The following NFIB variants were observed in gnomAD, a reference collection of about 807,000 sequenced individuals.
NFIB encodes nuclear factor I B.
A neutral mutation model predicts 61.5 loss-of-function variants in NFIB; 11 were observed. The ratio of observed to expected loss-of-function variants is 0.18; its 90% CI spans 0.11 to 0.30. The LOEUF is 0.30. Ranked by LOEUF, NFIB falls within the 10% of genes least tolerant of loss-of-function variation. The pLI is 1.00. For missense variants in NFIB, 471 were observed against 608.9 expected, an observed-to-expected ratio of 0.77 and a Z score of 2.38; for synonymous variants, 260 against 216.5, an observed-to-expected ratio of 1.20 and a Z score of -1.76.
chr9:14,255,995 T>G (rs1424595503), intron 2 of NFIB, among the ~76,000 whole-genome samples: 2 of 152,234 alleles, frequency 1.3e-5, no homozygotes, highest in Non-Finnish European at 2.9e-5. Context: ...ACCTATTAGC[T>G]GTGTGATCTT....
At chr9:14,133,739 A>G (rs1406612340) in intron 6 of NFIB, among the ~76,000 whole-genome samples, 1 of 152,230 alleles carries the variant, frequency 6.6e-6, no homozygotes, top group Non-Finnish European at 1.5e-5. Flanking sequence ...GTAGAATAAG[A>G]CAACTATTAA....
chr9:14,385,425 C>T (rs1471131595), intron 1 of NFIB, among the ~76,000 whole-genome samples: 1 of 152,148 alleles, frequency 6.6e-6, no homozygotes, highest in Non-Finnish European at 1.5e-5. Context: ...GTTGGGAGGC[C>T]TTTGCAAAAC....
At chr9:14,348,587 C>A (rs1024337589) in intron 1 of NFIB, among the ~76,000 whole-genome samples, 6 of 152,212 alleles carry the variant, frequency 3.9e-5, no homozygotes, top group Admixed American at 1.3e-4. Context: ...TAAGCCAGGC[C>A]AGCGCCCGGG....
At chr9:14,147,891 T>G (rs2042442401) in intron 5 of NFIB, among the ~76,000 whole-genome samples, 1 of 151,828 alleles carries the variant, frequency 6.6e-6, no homozygotes, top group Non-Finnish European at 1.5e-5. Flanking sequence ...ATCCTCCCAC[T>G]TCAGCCTCCC....
chr9:14,465,113 T>C, the NFIB span, among the ~76,000 whole-genome samples: 1 of 152,216 alleles, frequency 6.6e-6, no homozygotes, highest in Admixed American at 6.5e-5. Context: ...GGCTTCACTG[T>C]AGAGACCTTT....
Position 14,219,381 on chromosome 9 carries a change from T to TAAAAAAAAAAAAAAAAAA in NFIB, c.563-39619_563-39602dup, listed in dbSNP as rs751279935. On this transcript the variant is annotated intron_variant, in intron 2 of 10. Coordinates refer to ENST00000380953, the MANE Select transcript of NFIB (RefSeq NM_001190737.2). The stretch of plus-strand genomic sequence containing the variant: ...ATAGAGTCATCTTGTAGCACTAGGG[T>TAAAAAAAAAAAAAAAAAA]AAAAAAAAAAAAAAAAAAAAAAAGT... Among the ~76,000 whole-genome samples, 4 of 73,504 alleles carry TAAAAAAAAAAAAAAAAAA rather than the reference T, an allele frequency of 5.4e-5. 2 individuals are homozygous for TAAAAAAAAAAAAAAAAAA. The highest frequency in any genetic ancestry group is 1.1e-4 in the African/African-American group (2 of 17,990). The allele number at this position is 73,504 out of a possible 152,430, so 48.2% of individuals were successfully genotyped here.
intron 2 of NFIB, among the ~76,000 whole-genome samples, chr9:14,255,198 G>A (rs1049517415): frequency 7.2e-5 from 11 of 151,968 alleles, no homozygotes; most frequent in African/African-American, 2.7e-4. Flanking sequence ...ACTCCAACAA[G>A]GATGACAAAG....
chr9:14,291,725 C>T (rs1041879624), intron 2 of NFIB, among the ~76,000 whole-genome samples: 133 of 151,782 alleles, frequency 8.8e-4, no homozygotes, highest in African/African-American at 3.1e-3. Context: ...CGGAAAATTA[C>T]AAACACCCAA....
At chr9:14,252,420 T>G (rs35281474) in intron 2 of NFIB, among the ~76,000 whole-genome samples, 5,932 of 152,316 alleles carry the variant, frequency 0.039, 156 homozygotes, top group Non-Finnish European at 0.061. Flanking sequence ...ATCATTATAT[T>G]TATAGTTTTT....
At chr9:14,163,011 C>T (rs2044372829) in intron 3 of NFIB, among the ~76,000 whole-genome samples, 1 of 152,012 alleles carries the variant, frequency 6.6e-6, no homozygotes, top group Non-Finnish European at 1.5e-5. Flanking sequence ...TCACCATTTA[C>T]TATGTAAACC....
chr9:14,336,113 T>G (rs1448075699), intron 1 of NFIB, among the ~76,000 whole-genome samples: 1 of 152,254 alleles, frequency 6.6e-6, no homozygotes. Flanking sequence ...GTGTTAGTTC[T>G]CCAGATTTGT....
chr9:14,114,577 C>A (rs919907360), intron 9 of NFIB, among the ~76,000 whole-genome samples: 2 of 152,208 alleles, frequency 1.3e-5, no homozygotes, highest in African/African-American at 4.8e-5. Context: ...CATCTTTATA[C>A]AACCAAGATA....
intron 3 of NFIB, among the ~76,000 whole-genome samples, chr9:14,173,111 C>G (rs1010347799): frequency 6.6e-6 from 1 of 152,200 alleles, no homozygotes; most frequent in African/African-American, 2.4e-5. Flanking sequence ...CTTGATCAAA[C>G]TAGCTGAAGA....
At chr9:14,465,572 T>TACACACACACACACACACACAC in the NFIB span, among the ~76,000 whole-genome samples, 2 of 146,200 alleles carry the variant, frequency 1.4e-5, no homozygotes, top group African/African-American at 5.1e-5. Context: ...AATGACTTGT[T>TACACACACACACACACACACAC]ACACACACAC....
intron 2 of NFIB, among the ~76,000 whole-genome samples, chr9:14,269,611 T>C (rs1475024096): frequency 1.3e-5 from 2 of 152,220 alleles, no homozygotes; most frequent in Non-Finnish European, 2.9e-5. Context: ...CATATATGTC[T>C]GAACCTAATG....
chr9:14,208,464 T>C (rs981959732), intron 2 of NFIB, among the ~76,000 whole-genome samples: 1 of 152,178 alleles, frequency 6.6e-6, no homozygotes, highest in African/African-American at 2.4e-5. Context: ...GAGTATGAAT[T>C]ACGACTAAAT....
At chr9:14,432,321 G>T in the NFIB span, among the ~76,000 whole-genome samples, 2 of 152,298 alleles carry the variant, frequency 1.3e-5, no homozygotes, top group Non-Finnish European at 2.9e-5. Flanking sequence ...AGAAATATGG[G>T]GTGAGATGGA....
chr9:14,474,449 C>A, the NFIB span, among the ~76,000 whole-genome samples: 2 of 152,152 alleles, frequency 1.3e-5, no homozygotes, highest in African/African-American at 4.8e-5. Context: ...TTTTAACATA[C>A]GAATTTTGGA....
intron 9 of NFIB, among the ~76,000 whole-genome samples, chr9:14,115,009 A>T (rs2037913159): frequency 6.6e-6 from 1 of 152,206 alleles, no homozygotes; most frequent in Admixed American, 6.5e-5. Flanking sequence ...CCATCTGTGC[A>T]TTCAGGGAAG....
Sources: gnomAD v4.1 joint callset for allele counts (sites outside exome capture counted in the v4.1 genomes callset) on GRCh38, gnomAD v4.1.1 for gene constraint, MANE v1.5 for transcripts, NCBI Gene and HGNC (gene_info 2026-07-23, HGNC 2026-07-21) for gene names.